ABCA13: variants seen among roughly 807,000 people sequenced by gnomAD.
The protein encoded by ABCA13 is ATP binding cassette subfamily A member 13.
ABCA13 carries 476 observed loss-of-function variants against 478.7 expected under a neutral mutation model. The observed-to-expected ratio is 0.99, with a 90% CI of 0.92 to 1.07. The LOEUF (loss-of-function observed/expected upper bound fraction) is 1.07. ABCA13 is among the 50% of genes least tolerant of loss of function. The pLI is 0.00. For synonymous variants in ABCA13, 2,252 were observed against 2,158.9 expected (o/e 1.04, Z -1.20); for missense variants, 6,060 against 5,910.6 (o/e 1.03, Z -0.83).
In ABCA13 at chr7:48,455,150, C is replaced by G. The variant is rs368066530; in HGVS notation, c.12679C>G (p.Leu4227Val). 1.2e-5 allele frequency: 19 copies of G among 1,578,116 alleles called. No homozygotes were observed. Among genetic ancestry groups the G allele is most frequent in the Admixed American group, 1.8e-5 (1 of 55,096 alleles). Residue 4227 changes from leucine (L) to valine (V), a missense_variant, in exon 43 of 62, where the codon CTC becomes GTC. Leu to Val is a conservative substitution (Grantham distance 32). Transcript: ENST00000435803. ...CACGCTGCGCGCCGGGAAGAGCACCCTCGCCGACCTGCTGCTGCCAGTCCT... is the reference window on the plus strand; with the variant it reads ...CACGCTGCGCGCCGGGAAGAGCACCGTCGCCGACCTGCTGCTGCCAGTCCT... The part of the protein sequence containing the change: ...RRTLRAGKST[L>V]ADLLLPVLFV...
At chr7:48,365,734 T>C (rs1811559115) in intron 31 of ABCA13, among the ~76,000 whole-genome samples, 1 of 152,196 alleles carries the variant, frequency 6.6e-6, no homozygotes, top group Admixed American at 6.6e-5. Flanking sequence ...TACAAATGTG[T>C]GGGTTTATAT....
intron 1 of ABCA13, among the ~76,000 whole-genome samples, chr7:48,181,219 G>T (rs1191420227): frequency 6.6e-6 from 1 of 152,140 alleles, no homozygotes. Context: ...GTTAGTGTAA[G>T]AATGAATTTT....
rs1563132974 is a variant in ABCA13, at chr7:48,367,994, GCCT to G, written c.10803+88_10803+90del. ...GGATCTTGTCCCATAACCAACCTGAGCCTCTCTGTTTTGCTTCCCTCTCCTCTG... is the reference window on the plus strand; with the variant it reads ...GGATCTTGTCCCATAACCAACCTGAGCTCTGTTTTGCTTCCCTCTCCTCTG... On this transcript the variant is annotated intron_variant, in intron 32 of 61. Transcript: ENST00000435803. 8.7e-6 allele frequency: 9 copies of G among 1,036,996 alleles called. No individual in the cohort carries two copies. In the African/African-American group the frequency reaches 1.5e-4, roughly 17 times the overall value. 64.2% of individuals were successfully genotyped at this position (1,036,996 alleles called of 1,614,324 possible). A position where few individuals can be genotyped will look rare whatever the true frequency, so the allele number is the denominator to read the frequency against.
intron 23 of ABCA13, among the ~76,000 whole-genome samples, chr7:48,299,856 T>C (rs1799905535): frequency 6.6e-6 from 1 of 152,210 alleles, no homozygotes; most frequent in South Asian, 2.1e-4. Context: ...TAGATGGTTC[T>C]GTAGTGCTTT....
chr7:48,274,130 T>G lies in ABCA13; in HGVS notation c.4464T>G (p.Ile1488Met), dbSNP rs775691775. The G allele has an allele frequency of 5.0e-6, 8 of 1,607,166 alleles. No individual in the cohort carries two copies. The Admixed American group carries it at 1.4e-4, about 27-fold the overall frequency. Residue 1488 changes from isoleucine (I) to methionine (M), a missense_variant, in exon 17 of 62, where the codon ATT becomes ATG. This residue lies in a region of ABCA13 where 4,423 missense variants were observed against 4,309.1 expected (regional missense o/e 1.03). Transcript: ENST00000435803. ...AAGAGAAGAAACCTAAATTTGAGAT[T>G]TTATTAGCTCTTTTAAATGATTCCA... ...FEKEKKPKFE[I>M]LLALLNDSTK...
At chr7:48,411,241 CTCTT>C (rs144210825) in intron 40 of ABCA13, among the ~76,000 whole-genome samples, 1 of 115,642 alleles carries the variant, frequency 8.6e-6, no homozygotes, top group Non-Finnish European at 1.8e-5. Flanking sequence ...TTCTTTCTTT[CTCTT>C]TCTGTTTCTC....
chr7:48,566,962 C>G (rs66763020), intron 55 of ABCA13, among the ~76,000 whole-genome samples: 25,339 of 152,086 alleles, frequency 0.17, 3,016 homozygotes, highest in African/African-American at 0.32. Flanking sequence ...GTGATAGACA[C>G]ATCACTGCTT....
chr7:48,268,373 A>C (rs1327898366), intron 15 of ABCA13, among the ~76,000 whole-genome samples: 1 of 151,878 alleles, frequency 6.6e-6, no homozygotes, highest in Non-Finnish European at 1.5e-5. Context: ...TGGCCAGGCT[A>C]GTCTCAAACT....
At chr7:48,587,881 A>C (rs1208789479) in intron 57 of ABCA13, among the ~76,000 whole-genome samples, 1 of 152,228 alleles carries the variant, frequency 6.6e-6, no homozygotes, top group Non-Finnish European at 1.5e-5. Context: ...ATTATCTTGC[A>C]TTTCATAAAA....
intron 21 of ABCA13, among the ~76,000 whole-genome samples, chr7:48,296,074 T>C (rs1275490793): frequency 2.6e-5 from 4 of 152,214 alleles, no homozygotes; most frequent in Admixed American, 6.5e-5. Flanking sequence ...GCTAACTTTA[T>C]TGGCGATAAA....
intron 8 of ABCA13, among the ~76,000 whole-genome samples, chr7:48,234,634 A>G (rs1296839077): frequency 6.6e-6 from 1 of 152,230 alleles, no homozygotes; most frequent in Non-Finnish European, 1.5e-5. Flanking sequence ...AGGTGAAATA[A>G]GGGAGTTGGA....
chr7:48,523,937 C>T (rs35603493), intron 53 of ABCA13, among the ~76,000 whole-genome samples: 12,783 of 152,140 alleles, frequency 0.084, 938 homozygotes, highest in African/African-American at 0.2. Context: ...TTGTGATAAG[C>T]TATTTTAACA....
At chr7:48,644,286 C>G (rs1279850301) in intron 60 of ABCA13, among the ~76,000 whole-genome samples, 1 of 152,178 alleles carries the variant, frequency 6.6e-6, no homozygotes, top group Non-Finnish European at 1.5e-5. Context: ...AAACTCAGGG[C>G]CCTTCCATCC....
At chr7:48,338,517 G>T in intron 29 of ABCA13, 62 bp downstream of exon 29, 1 of 1,355,300 alleles carries the variant, frequency 7.4e-7, no homozygotes, top group Non-Finnish European at 1.0e-6. Flanking sequence ...ACTTGGGTGG[G>T]TCCTCCCCCT....
In ABCA13 at chr7:48,357,893, C is replaced by G. The variant is rs375485120; in HGVS notation, c.10688+5406C>G. ...GTGTGGTGGCTCACACCTGTAATTC[C>G]AGCACTTTGGGAGGCCGAGGCGGGC... On this transcript the variant is annotated intron_variant, in intron 31 of 61. Transcript: ENST00000435803. Among the ~76,000 whole-genome samples, 8 of 151,792 alleles carry G rather than the reference C, an allele frequency of 5.3e-5. No individual in the cohort carries two copies. In the East Asian group the frequency reaches 1.6e-3, roughly 30 times the overall value.
intron 23 of ABCA13, among the ~76,000 whole-genome samples, chr7:48,308,373 GA>G (rs1232506174): frequency 6.6e-6 from 1 of 152,132 alleles, no homozygotes; most frequent in African/African-American, 2.4e-5. Flanking sequence ...TAACTAGAAA[GA>G]GTATACTCTA....
In ABCA13 at chr7:48,410,662, G is replaced by A. The variant is rs779305562; in HGVS notation, c.12213G>A (p.Leu4071=). The A allele has an allele frequency of 1.9e-6, 3 of 1,613,266 alleles. No homozygotes were observed. Among genetic ancestry groups the A allele is most frequent in the Non-Finnish European group, 2.5e-6 (3 of 1,179,456 alleles). Residue 4071 remains leucine (L), a synonymous_variant, in exon 40 of 62, where the codon CTG becomes CTA. Coordinates refer to ENST00000435803, the MANE Select transcript of ABCA13 (RefSeq NM_152701.5). ...LKEAYGQGLR[L]TLTRQPSVLE... ...AGGCATATGGCCAGGGGCTCCGCCTGACACTCACGAGGCAGGTAAGGAGTG... is the reference window on the plus strand; with the variant it reads ...AGGCATATGGCCAGGGGCTCCGCCTAACACTCACGAGGCAGGTAAGGAGTG...
intron 55 of ABCA13, among the ~76,000 whole-genome samples, chr7:48,565,986 G>C (rs1442028616): frequency 6.6e-6 from 1 of 152,146 alleles, no homozygotes; most frequent in Non-Finnish European, 1.5e-5. Context: ...TTCCTATAAA[G>C]TATGGCCAGT....
intron 41 of ABCA13, among the ~76,000 whole-genome samples, chr7:48,418,899 G>C (rs949773100): frequency 3.9e-5 from 6 of 152,130 alleles, no homozygotes; most frequent in Non-Finnish European, 7.3e-5. Context: ...AGAAATACCT[G>C]AGACTGGGTA....
Sources: allele counts gnomAD v4.1 joint callset (sites outside exome capture counted in the v4.1 genomes callset), GRCh38; gene constraint gnomAD v4.1.1; regional missense constraint gnomAD v4.1.1; transcripts MANE v1.5; gene names NCBI Gene and HGNC (gene_info 2026-07-23, HGNC 2026-07-21).